Variants in SUPT3H observed in about 807,000 individuals in gnomAD.
SUPT3H encodes the protein SPT3 homolog, SAGA and STAGA complex component.
Under a neutral mutation model 44.3 loss-of-function variants are expected in SUPT3H, and 44 were observed. That is an observed-to-expected ratio of 0.99 (90% CI 0.78 to 1.28). SUPT3H has a LOEUF of 1.28. Among genes scored for constraint, SUPT3H ranks in the 50% most tolerant of loss-of-function variants. The pLI, the probability that SUPT3H is intolerant of heterozygous loss-of-function variation, is 0.00. For synonymous variants in SUPT3H, 124 were observed against 125.6 expected (o/e 0.99, Z 0.09); for missense variants, 380 against 387.1 (o/e 0.98, Z 0.15).
chr6:44,849,947 G>A (rs1458456607), intron 10 of SUPT3H, among the ~76,000 whole-genome samples: 1 of 152,080 alleles, frequency 6.6e-6, no homozygotes, highest in Non-Finnish European at 1.5e-5. Flanking sequence ...TTGTAATAAT[G>A]CCCCCAGGAC....
intron 2 of SUPT3H, among the ~76,000 whole-genome samples, chr6:45,123,344 AGT>A (rs1045465342): frequency 6.6e-6 from 1 of 151,906 alleles, no homozygotes; most frequent in Admixed American, 6.6e-5. Flanking sequence ...AATTTTTTTA[AGT>A]GTGAATTTTA....
intron 10 of SUPT3H, among the ~76,000 whole-genome samples, chr6:44,830,904 C>T (rs564819248): frequency 7.4e-6 from 1 of 135,236 alleles, no homozygotes; most frequent in East Asian, 2.4e-4. Flanking sequence ...TTAAGAAATA[C>T]AGAATAACCT....
intron 2 of SUPT3H, among the ~76,000 whole-genome samples, chr6:45,158,454 G>A (rs574820386): frequency 6.6e-5 from 10 of 151,408 alleles, no homozygotes; most frequent in Non-Finnish European, 1.3e-4. Flanking sequence ...GGCAATAAAA[G>A]TAAATCTTGG....
intron 6 of SUPT3H, among the ~76,000 whole-genome samples, chr6:44,987,748 A>G (rs781667494): frequency 6.6e-6 from 1 of 152,146 alleles, no homozygotes; most frequent in African/African-American, 2.4e-5. Context: ...AAATTAACCA[A>G]TAATGTATGT....
intron 2 of SUPT3H, among the ~76,000 whole-genome samples, chr6:45,157,358 C>A (rs1283572827): frequency 1.3e-5 from 2 of 151,764 alleles, no homozygotes; most frequent in Admixed American, 1.3e-4. Flanking sequence ...TCAGATCATA[C>A]ATTTATAATG....
At chr6:45,224,575 C>T (rs940165681) in intron 2 of SUPT3H, among the ~76,000 whole-genome samples, 1 of 152,000 alleles carries the variant, frequency 6.6e-6, no homozygotes, top group South Asian at 2.1e-4. Flanking sequence ...GTCAGGAGTT[C>T]GAGACCAGCC....
chr6:45,114,682 T>C (rs1800581281), intron 2 of SUPT3H, among the ~76,000 whole-genome samples: 1 of 152,182 alleles, frequency 6.6e-6, no homozygotes. Context: ...TCATATATCC[T>C]ACATTTCTAA....
chr6:45,156,558 A>C (rs1433287861), intron 2 of SUPT3H, among the ~76,000 whole-genome samples: 1 of 151,300 alleles, frequency 6.6e-6, no homozygotes, highest in Admixed American at 6.6e-5. Context: ...TTTCTGTTCT[A>C]ATACTAATAT....
At chr6:45,337,114 T>C (rs1005037206) in intron 2 of SUPT3H, among the ~76,000 whole-genome samples, 2 of 151,724 alleles carry the variant, frequency 1.3e-5, no homozygotes, top group Non-Finnish European at 3.0e-5. Context: ...ATATGCTTTC[T>C]AAAATAAAAG....
intron 2 of SUPT3H, among the ~76,000 whole-genome samples, chr6:45,254,147 G>C (rs937327225): frequency 3.3e-5 from 5 of 151,776 alleles, no homozygotes; most frequent in African/African-American, 1.2e-4. Flanking sequence ...TAAAAGTCTG[G>C]GGCAGATAGT....
At chr6:45,115,224 C>T (rs1431398043) in intron 2 of SUPT3H, among the ~76,000 whole-genome samples, 1 of 151,864 alleles carries the variant, frequency 6.6e-6, no homozygotes, top group East Asian at 1.9e-4. Context: ...GACATTTACC[C>T]GGGGAGTCAG....
chr6:44,982,163 A>C (rs1014924278), intron 6 of SUPT3H, among the ~76,000 whole-genome samples: 1 of 151,958 alleles, frequency 6.6e-6, no homozygotes, highest in Non-Finnish European at 1.5e-5. Flanking sequence ...GAAAATTTCA[A>C]GCTGTTTGCA....
At chr6:45,196,374 T>C (rs1046681834) in intron 2 of SUPT3H, among the ~76,000 whole-genome samples, 1 of 152,064 alleles carries the variant, frequency 6.6e-6, no homozygotes, top group African/African-American at 2.4e-5. Context: ...TTAAAGGATA[T>C]GGAAATTGGC....
intron 5 of SUPT3H, among the ~76,000 whole-genome samples, chr6:45,010,948 TG>T (rs1197038554): frequency 3.9e-5 from 6 of 152,130 alleles, no homozygotes; most frequent in African/African-American, 1.2e-4. Flanking sequence ...TTTTGTTAAA[TG>T]CTTTTCCTAC....
intron 3 of SUPT3H, among the ~76,000 whole-genome samples, chr6:45,033,209 T>C (rs113702419): frequency 1.4e-4 from 21 of 152,320 alleles, no homozygotes; most frequent in African/African-American, 5.0e-4. Flanking sequence ...CTTTTATTTC[T>C]ATCTTGTGAT....
intron 5 of SUPT3H, among the ~76,000 whole-genome samples, chr6:45,013,736 G>T (rs562679871): frequency 6.6e-6 from 1 of 152,108 alleles, no homozygotes; most frequent in South Asian, 2.1e-4. Context: ...TGCAACATGG[G>T]GCTGAGGGAG....
chr6:45,134,381 G>C (rs899489875), intron 2 of SUPT3H, among the ~76,000 whole-genome samples: 26 of 152,128 alleles, frequency 1.7e-4, no homozygotes, highest in African/African-American at 6.0e-4. Context: ...TGAACTTTTA[G>C]GGATACATTC....
At chr6:44,888,624 C>T (rs1314016716) in intron 10 of SUPT3H, among the ~76,000 whole-genome samples, 5 of 152,148 alleles carry the variant, frequency 3.3e-5, no homozygotes, top group Admixed American at 2.6e-4. Flanking sequence ...CACAAAATAA[C>T]AAGAGCTATC....
intron 10 of SUPT3H, among the ~76,000 whole-genome samples, chr6:44,929,967 C>A (rs1770279701): frequency 1.3e-5 from 2 of 152,012 alleles, no homozygotes; most frequent in East Asian, 3.9e-4. Flanking sequence ...GCATAGGTAG[C>A]CTGGGCGCTG....
Sources: gnomAD v4.1 joint callset for allele counts (sites outside exome capture counted in the v4.1 genomes callset) on GRCh38, gnomAD v4.1.1 for gene constraint, MANE v1.5 for transcripts, NCBI Gene and HGNC (gene_info 2026-07-23, HGNC 2026-07-21) for gene names.